Variants in BMF observed in about 807,000 individuals in gnomAD.
BMF encodes the protein bcl-2-modifying factor.
BMF carries 10 observed loss-of-function variants against 22.0 expected under a neutral mutation model. The ratio of observed to expected loss-of-function variants is 0.45; its 90% CI spans 0.28 to 0.77. BMF has a LOEUF of 0.77. Ranked by LOEUF, BMF falls within the 30% of genes least tolerant of loss-of-function variation. The pLI is 0.13. For synonymous variants in BMF, 87 were observed against 88.1 expected, an observed-to-expected ratio of 0.99 and a Z score of 0.07; for missense variants, 206 against 226.8, an observed-to-expected ratio of 0.91 and a Z score of 0.59.
chr15:40,096,153 C>CTTTTTT (rs532459310), intron 4 of BMF, among the ~76,000 whole-genome samples: 2 of 115,092 alleles, frequency 1.7e-5, no homozygotes, highest in African/African-American at 3.5e-5. Flanking sequence ...AAAAGGCCTC[C>CTTTTTT]TTTTTTTTTT....
rs185331472 is a variant in BMF, at chr15:40,095,867, G to A, written c.454-3979C>T. 1.8e-4 allele frequency among the ~76,000 whole-genome samples: 28 copies of A among 152,298 alleles called. 1 individual carries two copies. In the East Asian group the frequency reaches 4.2e-3, roughly 23 times the overall value. On this transcript the variant is annotated intron_variant, in intron 4 of 4. Coordinates refer to ENST00000354670, the MANE Select transcript of BMF (RefSeq NM_001003940.2). The stretch of plus-strand genomic sequence containing the variant: ...TGGCCCAGCCTCATTTTCTTGCCAC[G>A]GACAGGGGATGAAGGCAGTCAGCTG...
rs1024043427 is a variant in BMF, at chr15:40,091,659, TA to T, written c.*127del. ...GTTGTATGTACACTCAGAGAGAAAT[TA>T]AAAAAAATTAAAACACAAAATAACA... On this transcript the variant is annotated 3_prime_UTR_variant, in exon 5 of 5. Transcript: ENST00000354670. 2.7e-5 allele frequency: 19 copies of T among 712,692 alleles called. No individual in the cohort carries two copies. Among genetic ancestry groups the T allele is most frequent in the Non-Finnish European group, 4.0e-5 (17 of 426,878 alleles). The allele number at this position is 712,692 out of a possible 1,614,324, so 44.1% of individuals were successfully genotyped here. A position where few individuals can be genotyped will look rare whatever the true frequency, so the allele number is the denominator to read the frequency against.
At chr15:40,092,273 G>C (rs1212793632) in intron 4 of BMF, among the ~76,000 whole-genome samples, 1 of 152,114 alleles carries the variant, frequency 6.6e-6, no homozygotes, top group African/African-American at 2.4e-5. Context: ...AGAAAGAGAA[G>C]AAGTGCCCCC....
At chr15:40,105,709 A>G (rs2036573000) in intron 3 of BMF, 86 bp downstream of exon 3, 6 of 1,449,984 alleles carry the variant, frequency 4.1e-6, no homozygotes, top group Non-Finnish European at 5.6e-6. Flanking sequence ...GGGGGAAGGA[A>G]ACAGCAAAGG....
chr15:40,107,031 G>T (rs2036602203), intron 2 of BMF, among the ~76,000 whole-genome samples: 1 of 152,182 alleles, frequency 6.6e-6, no homozygotes, highest in Non-Finnish European at 1.5e-5. Flanking sequence ...CTATACTGCT[G>T]AAGTTATTGA....
intron 2 of BMF, 84 bp downstream of exon 2, chr15:40,108,172 TAGG>T (rs925570928): frequency 6.6e-6 from 1 of 152,644 alleles, no homozygotes; most frequent in Non-Finnish European, 1.5e-5. Context: ...CTCCTCCTCT[TAGG>T]AGAAGGCAGT....
At chr15:40,098,609 G>A (rs1198927669) in intron 4 of BMF, among the ~76,000 whole-genome samples, 2 of 152,178 alleles carry the variant, frequency 1.3e-5, no homozygotes, top group African/African-American at 2.4e-5. Context: ...GAGGAAGGAT[G>A]GAACCCTCCC....
At chr15:40,091,958 C>T in intron 4 of BMF, 70 bp from the exon 5 acceptor site, 1 of 1,199,210 alleles carries the variant, frequency 8.3e-7, no homozygotes, top group Admixed American at 2.1e-5. Flanking sequence ...CCTCTCATTT[C>T]CAGTAAAAGT....
chr15:40,091,499 C>A lies in BMF; in HGVS notation c.*288G>T, dbSNP rs112230927. 1 of 316,288 alleles carries A rather than the reference C, an allele frequency of 3.2e-6. No individual in the cohort carries two copies. 19.6% of individuals were successfully genotyped at this position (316,288 alleles called of 1,614,324 possible). On this transcript the variant is annotated 3_prime_UTR_variant, in exon 5 of 5. Transcript: ENST00000354670. ...TTCGACAACTGGTAGATTCCTCAGT[C>A]GAAGAATCTACTTGTCAGAGCCCTT...
At chr15:40,099,120 C>T (rs1489389861) in intron 4 of BMF, among the ~76,000 whole-genome samples, 1 of 152,230 alleles carries the variant, frequency 6.6e-6, no homozygotes, top group East Asian at 1.9e-4. Context: ...CTATAGCAAA[C>T]CTCTGGGGCC....
Position 40,106,784 on chromosome 15 carries a change from G to T in BMF, c.-5-693C>A. On this transcript the variant is annotated intron_variant, in intron 2 of 4. Transcript: ENST00000354670. The surrounding 1 kb of genome is among the most constrained non-coding windows in gnomAD (Gnocchi z 4.1). ...GGAGAGGGGATAAAGACCCAAGCTA[G>T]TCATTGCAGCTGCCGTCTCGGCTCT... 1 of 152,472 alleles carries T rather than the reference G, an allele frequency of 6.6e-6. No individual in the cohort carries two copies. Among genetic ancestry groups the T allele is most frequent in the Non-Finnish European group, 1.5e-5 (1 of 68,162 alleles). 9.4% of individuals were successfully genotyped at this position (152,472 alleles called of 1,614,324 possible). A position where few individuals can be genotyped will look rare whatever the true frequency, so the allele number is the denominator to read the frequency against.
At chr15:40,104,938 C>A (rs932026869) in intron 3 of BMF, among the ~76,000 whole-genome samples, 1 of 152,184 alleles carries the variant, frequency 6.6e-6, no homozygotes, top group African/African-American at 2.4e-5. Flanking sequence ...TCCACACTTA[C>A]CCAGTGCACG....
At chr15:40,102,042 G>A (rs540209767) in intron 4 of BMF, among the ~76,000 whole-genome samples, 2 of 152,250 alleles carry the variant, frequency 1.3e-5, no homozygotes, top group South Asian at 2.1e-4. Flanking sequence ...CCCAGCTTGG[G>A]TGGCTCTGGC....
intron 4 of BMF, among the ~76,000 whole-genome samples, chr15:40,103,542 G>A (rs568079037): frequency 6.6e-5 from 10 of 152,346 alleles, no homozygotes; most frequent in Admixed American, 2.0e-4. Flanking sequence ...GTGATGCCCC[G>A]CCCTGGCGGG....
chr15:40,103,535 A>G (rs2036521874), intron 4 of BMF, among the ~76,000 whole-genome samples: 1 of 152,210 alleles, frequency 6.6e-6, no homozygotes, highest in African/African-American at 2.4e-5. Flanking sequence ...CTGACACGTG[A>G]TGCCCCGCCC....
chr15:40,090,533 G>A lies in BMF; in HGVS notation c.*1254C>T, dbSNP rs934558173. 6.5e-6 allele frequency: 1 copy of A among 152,708 alleles called. No homozygotes were observed. The highest frequency in any genetic ancestry group is 2.4e-5 in the African/African-American group (1 of 41,464). 9.5% of individuals were successfully genotyped at this position (152,708 alleles called of 1,614,324 possible). A position where few individuals can be genotyped will look rare whatever the true frequency, so the allele number is the denominator to read the frequency against. ...TCCTCTCCATAAGTGCCGCAGCAGGGAGAGAAGGGAAGACGTGCACAGGCA... is the reference window on the plus strand; with the variant it reads ...TCCTCTCCATAAGTGCCGCAGCAGGAAGAGAAGGGAAGACGTGCACAGGCA... On this transcript the variant is annotated 3_prime_UTR_variant, in exon 5 of 5. Coordinates refer to ENST00000354670, the MANE Select transcript of BMF (RefSeq NM_001003940.2).
rs1260690952 is a variant in BMF at position 40,105,823 on chromosome 15, C to T, written c.264G>A (p.Val88=). 1.4e-5 allele frequency: 23 copies of T among 1,611,622 alleles called. No individual in the cohort carries two copies. Among genetic ancestry groups the T allele is most frequent in the Non-Finnish European group, 1.9e-5 (22 of 1,178,702 alleles). The change falls in exon 3 of 5, where the codon GTG becomes GTA. Residue 88 remains valine (V), a synonymous_variant. Coordinates refer to ENST00000354670, the MANE Select transcript of BMF (RefSeq NM_001003940.2). The stretch of plus-strand genomic sequence containing the variant: ...AAAAGAGTCGCTGGGGTTCCTCAGT[C>T]ACCCCACAAGGCAGCATGACACCTT... ...PSQGVMLPCG[V]TEEPQRLFYG...
intron 4 of BMF, among the ~76,000 whole-genome samples, chr15:40,095,183 C>T (rs568163050): frequency 1.3e-5 from 2 of 152,350 alleles, no homozygotes; most frequent in Non-Finnish European, 2.9e-5. Context: ...GGCCTTCTCC[C>T]GCCTCAGGGC....
rs2036174634 is a variant in BMF, at chr15:40,088,548, A to C, written c.*3239T>G. On this transcript the variant is annotated 3_prime_UTR_variant, in exon 5 of 5. Coordinates refer to ENST00000354670, the MANE Select transcript of BMF (RefSeq NM_001003940.2). Reference sequence around the variant, plus strand: ...AAAAAGAAGTGCTCACTGGGGTAGCATGCTCCTTGCTGTCCAGGACAGTCA... The same window carrying C: ...AAAAAGAAGTGCTCACTGGGGTAGCCTGCTCCTTGCTGTCCAGGACAGTCA... 1.3e-5 allele frequency: 2 copies of C among 152,364 alleles called. No individual in the cohort carries two copies. Among genetic ancestry groups the C allele is most frequent in the Non-Finnish European group, 2.9e-5 (2 of 68,146 alleles). 9.4% of individuals were successfully genotyped at this position (152,364 alleles called of 1,614,324 possible).
Sources: allele counts gnomAD v4.1 joint callset (sites outside exome capture counted in the v4.1 genomes callset), GRCh38; gene constraint gnomAD v4.1.1; non-coding constraint Gnocchi (gnomAD v3.1); transcripts MANE v1.5; gene names NCBI Gene and HGNC (gene_info 2026-07-23, HGNC 2026-07-21).